MAPKAPK5: variants seen among roughly 807,000 people sequenced by gnomAD.
MAPKAPK5 encodes MAP kinase-activated protein kinase 5.
In MAPKAPK5, 30 loss-of-function variants were observed where a neutral mutation model predicts 65.1. The ratio of observed to expected loss-of-function variants is 0.46; its 90% CI spans 0.34 to 0.63. The LOEUF (loss-of-function observed/expected upper bound fraction) is 0.63, where lower values mean the gene tolerates loss of function less well. Among genes scored for constraint, MAPKAPK5 ranks in the 20% least tolerant of loss-of-function variants. The probability of loss-of-function intolerance (pLI) is 0.01; values close to 1 mark genes in which losing one functional copy is unlikely to be tolerated. For synonymous variants in MAPKAPK5, 179 were observed against 204.6 expected (o/e 0.87, Z 1.07); for missense variants, 433 against 581.4 (o/e 0.74, Z 2.63).
intron 7 of MAPKAPK5, chr12:111,880,147 A>T (rs1277248138): frequency 7.3e-6 from 3 of 409,418 alleles, no homozygotes; most frequent in Non-Finnish European, 1.4e-5. Context: ...CATAGGCATA[A>T]GGGCTATCCC....
Position 111,901,637 on chromosome 12 carries a change from AAAG to A in MAPKAPK5, c.*8581_*8583del, listed in dbSNP as rs890366721. Reference sequence around the variant, plus strand: ...AGCAGCAGAAGTGGCCACAGAAGAAAAAGAAGAGAAGGAGGAAGAAAAAGAAGA... The same window carrying A: ...AGCAGCAGAAGTGGCCACAGAAGAAAAAGAGAAGGAGGAAGAAAAAGAAGA... On this transcript the variant is annotated 3_prime_UTR_variant, in exon 14 of 14. Coordinates refer to ENST00000550735, the MANE Select transcript of MAPKAPK5 (RefSeq NM_003668.4). The A allele has an allele frequency of 2.9e-5, 8 of 274,574 alleles. No individual in the cohort carries two copies. The highest frequency in any genetic ancestry group is 1.8e-4 in the African/African-American group (8 of 43,974). 17.0% of individuals were successfully genotyped at this position (274,574 alleles called of 1,614,324 possible).
chr12:111,861,387 G>A (rs2069431183), intron 1 of MAPKAPK5, among the ~76,000 whole-genome samples: 1 of 151,804 alleles, frequency 6.6e-6, no homozygotes, highest in South Asian at 2.1e-4. Context: ...GGAGTGCAGT[G>A]GCGTGATCTC....
chr12:111,888,989 TCC>T lies in MAPKAPK5; in HGVS notation c.1209_1210del (p.Gln404GlyfsTer5). 2 of 1,582,296 alleles carry T rather than the reference TCC, an allele frequency of 1.3e-6. No homozygotes were observed. Among genetic ancestry groups the T allele is most frequent in the Non-Finnish European group, 1.7e-6 (2 of 1,163,806 alleles). On this transcript the variant is annotated frameshift_variant, in exon 12 of 14. Transcript: ENST00000550735. LOFTEE classifies it high-confidence loss of function. ...CGAGATGTGATTGCTCAGTGTATTC[TCC>T]CCCAGGCTGGTAAAGGTCACACCAT...
chr12:111,845,641 GC>G (rs1347154539), intron 1 of MAPKAPK5, among the ~76,000 whole-genome samples: 1 of 152,098 alleles, frequency 6.6e-6, no homozygotes, highest in Non-Finnish European at 1.5e-5. Context: ...TAATACCTAG[GC>G]CAGGCACGGT....
chr12:111,855,853 CT>C (rs144921229), intron 1 of MAPKAPK5, among the ~76,000 whole-genome samples: 211 of 135,670 alleles, frequency 1.6e-3, no homozygotes, highest in Middle Eastern at 3.8e-3. Flanking sequence ...TGTTTAATTT[CT>C]TTTTTTTTTT....
chr12:111,844,003 T>C (rs2068825364), intron 1 of MAPKAPK5, among the ~76,000 whole-genome samples: 1 of 151,976 alleles, frequency 6.6e-6, no homozygotes, highest in Non-Finnish European at 1.5e-5. Flanking sequence ...TTTGTATTTT[T>C]AGTAGAGACG....
At position 111,896,271 on chromosome 12, in the gene MAPKAPK5, G is replaced by T. The variant is rs988605386; in HGVS notation, c.*3210G>T. On this transcript the variant is annotated 3_prime_UTR_variant, in exon 14 of 14. Coordinates refer to ENST00000550735, the MANE Select transcript of MAPKAPK5 (RefSeq NM_003668.4). ...ATACTCCCTTTGACTCTGAGCATCA[G>T]TTGCCCGTGTTTCAGTCACTTCAAG... is the stretch of plus-strand genomic sequence containing the variant. The T allele has an allele frequency of 6.6e-6, 1 of 152,152 alleles. No homozygotes were observed. Among genetic ancestry groups the T allele is most frequent in the Non-Finnish European group, 1.5e-5 (1 of 68,038 alleles). The allele number at this position is 152,152 out of a possible 1,614,324, so 9.4% of individuals were successfully genotyped here.
At chr12:111,856,121 C>A (rs1423238423) in intron 1 of MAPKAPK5, among the ~76,000 whole-genome samples, 2 of 151,990 alleles carry the variant, frequency 1.3e-5, no homozygotes. Flanking sequence ...TCCCAAAGTG[C>A]TGGGATTACA....
rs372088425 is a variant in MAPKAPK5 at position 111,880,475 on chromosome 12, A to G, written c.608A>G (p.Lys203Arg). Reference protein sequence around the residue: ...QVLEAQRRHQKEKSGIIPTSP... With the variant: ...QVLEAQRRHQREKSGIIPTSP... ...CTGGAGGCGCAAAGAAGGCATCAGA[A>G]GGAGAAATCTGGCATCATACCTACC... Residue 203 changes from lysine to arginine, a missense_variant, in exon 8 of 14, where the codon AAG becomes AGG. By Grantham distance (26) the Lys-to-Arg change is conservative (BLOSUM62 2). Around this residue, in one of 3 missense-constraint regions of MAPKAPK5, gnomAD observed 99 missense variants for 185.8 expected, o/e 0.53. Transcript: ENST00000550735. 3.1e-6 allele frequency: 5 copies of G among 1,613,798 alleles called. No homozygotes were observed. In the African/African-American group the frequency reaches 6.7e-5, roughly 22 times the overall value.
rs1488355225 is a variant in MAPKAPK5 at position 111,897,562 on chromosome 12, C to T, written c.*4501C>T. 1 of 152,154 alleles carries T rather than the reference C, an allele frequency of 6.6e-6. No homozygotes were observed. Among genetic ancestry groups the T allele is most frequent in the Non-Finnish European group, 1.5e-5 (1 of 68,022 alleles). 9.4% of individuals were successfully genotyped at this position (152,154 alleles called of 1,614,324 possible). On this transcript the variant is annotated 3_prime_UTR_variant, in exon 14 of 14. Transcript: ENST00000550735. ...CTATTTTGGTTAAGAAACAGGGAAA[C>T]ACCCTAAAATCTGTGATAATTTTCA...
chr12:111,874,724 A>G (rs1386919700), intron 7 of MAPKAPK5, among the ~76,000 whole-genome samples: 1 of 149,240 alleles, frequency 6.7e-6, no homozygotes, highest in Non-Finnish European at 1.5e-5. Flanking sequence ...TGGCTTCCCA[A>G]AGTGTTGGGA....
At chr12:111,843,280 T>G (rs1470718375) in intron 1 of MAPKAPK5, 2 of 398,666 alleles carry the variant, frequency 5.0e-6, no homozygotes, top group Non-Finnish European at 8.8e-6. Context: ...TATTCTCCCC[T>G]TTTTCTTTTT....
chr12:111,901,151 C>A lies in MAPKAPK5; in HGVS notation c.*8090C>A, dbSNP rs1321908493. ...GCATGGATGCCTATATGAGTACTGACATTCCTGATGAAGGAGATGTGCACA... is the reference window on the plus strand; with the variant it reads ...GCATGGATGCCTATATGAGTACTGAAATTCCTGATGAAGGAGATGTGCACA... On this transcript the variant is annotated 3_prime_UTR_variant, in exon 14 of 14. Transcript: ENST00000550735. The A allele has an allele frequency of 2.2e-6, 1 of 456,090 alleles. No homozygotes were observed. The highest frequency in any genetic ancestry group is 1.5e-5 in the South Asian group (1 of 64,560). The allele number at this position is 456,090 out of a possible 1,614,324, so 28.3% of individuals were successfully genotyped here.
Position 111,901,187 on chromosome 12 carries a change from C to T in MAPKAPK5, c.*8126C>T, listed in dbSNP as rs1329129738. The T allele has an allele frequency of 2.2e-6, 1 of 456,076 alleles. No individual in the cohort carries two copies. The highest frequency in any genetic ancestry group is 4.4e-6 in the Non-Finnish European group (1 of 226,800). The allele number at this position is 456,076 out of a possible 1,614,324, so 28.3% of individuals were successfully genotyped here. On this transcript the variant is annotated 3_prime_UTR_variant, in exon 14 of 14. Transcript: ENST00000550735. ...AAGGAGATGTGCACAATGGCACTTACTGTGCACCAAACAAAGTCTGCCTGA... is the reference window on the plus strand; with the variant it reads ...AAGGAGATGTGCACAATGGCACTTATTGTGCACCAAACAAAGTCTGCCTGA...
chr12:111,851,879 A>G (rs1374916820), intron 1 of MAPKAPK5, among the ~76,000 whole-genome samples: 1 of 152,176 alleles, frequency 6.6e-6, no homozygotes, highest in African/African-American at 2.4e-5. Flanking sequence ...GATTGTGGAT[A>G]TGGCAAAAAA....
Position 111,885,910 on chromosome 12 carries a change from C to T in MAPKAPK5, c.849-6C>T. Reference sequence around the variant, plus strand: ...CATGGCAGCCCTGTTGGCGTTTTCTCCACAGGCTCCTGAAGGTCAAACCGG... The same window carrying T: ...CATGGCAGCCCTGTTGGCGTTTTCTTCACAGGCTCCTGAAGGTCAAACCGG... On this transcript the variant is annotated splice_region_variant and splice_polypyrimidine_tract_variant and intron_variant, in intron 9 of 13. Transcript: ENST00000550735. 6.2e-7 allele frequency: 1 copy of T among 1,613,858 alleles called. No individual in the cohort carries two copies. The highest frequency in any genetic ancestry group is 1.3e-5 in the African/African-American group (1 of 75,016).
chr12:111,879,453 A>G (rs2070114532), intron 7 of MAPKAPK5: 1 of 146,450 alleles, frequency 6.8e-6, no homozygotes, highest in Non-Finnish European at 1.5e-5. Flanking sequence ...GCAGTGGCTC[A>G]ATCTTGGCTC....
Position 111,894,446 on chromosome 12 carries a change from G to C in MAPKAPK5, c.*1385G>C, listed in dbSNP as rs1389588182. 2 of 152,144 alleles carry C rather than the reference G, an allele frequency of 1.3e-5. No homozygotes were observed. The highest frequency in any genetic ancestry group is 3.4e-3 in the Middle Eastern group (1 of 294). 9.4% of individuals were successfully genotyped at this position (152,144 alleles called of 1,614,324 possible). On this transcript the variant is annotated 3_prime_UTR_variant, in exon 14 of 14. Coordinates refer to ENST00000550735, the MANE Select transcript of MAPKAPK5 (RefSeq NM_003668.4). ...CCATTACTCCTTATTTCTGTTCCCT[G>C]TTCCTCTGGTCCTGTTTTTGGAATA...
At chr12:111,848,394 G>A (rs1002808031) in intron 1 of MAPKAPK5, among the ~76,000 whole-genome samples, 1 of 147,686 alleles carries the variant, frequency 6.8e-6, no homozygotes, top group African/African-American at 2.5e-5. Flanking sequence ...TGAAGGGTCT[G>A]TTCCAATCTT....
Sources: allele counts gnomAD v4.1 joint callset (sites outside exome capture counted in the v4.1 genomes callset), GRCh38; gene constraint gnomAD v4.1.1; regional missense constraint gnomAD v4.1.1; transcripts MANE v1.5; gene names NCBI Gene and HGNC (gene_info 2026-07-23, HGNC 2026-07-21).